The following KANK1 variants were observed in gnomAD, a reference collection of about 807,000 sequenced individuals.
KANK1 encodes the protein KN motif and ankyrin repeat domains 1, also known as KN motif and ankyrin repeat domain-containing protein 1.
KANK1 carries 109 observed loss-of-function variants against 106.2 expected under a neutral mutation model. The observed-to-expected ratio is 1.03, with a 90% confidence interval of 0.88 to 1.20. KANK1 has a LOEUF of 1.20. Ranked by LOEUF, KANK1 falls within the 50% of genes most tolerant of loss-of-function variation. The pLI is 0.00. For missense variants in KANK1, 2,399 were observed against 1,710.7 expected, an observed-to-expected ratio of 1.40 and a Z score of -7.10; for synonymous variants, 873 against 652.2, an observed-to-expected ratio of 1.34 and a Z score of -5.16.
intron 2 of KANK1, among the ~76,000 whole-genome samples, chr9:687,466 T>C (rs973400359): frequency 9.9e-5 from 15 of 152,204 alleles, no homozygotes; most frequent in African/African-American, 3.4e-4. Flanking sequence ...TTCCGTTTCT[T>C]CAGTTCTTGT....
chr9:592,891 G>A lies in KANK1; in HGVS notation c.-83-83999G>A, dbSNP rs535261496. ...CCTTGGGTAGTCCTTTGTGCAAAAC[G>A]TAAATGCAGAAACTGCTCATTGACT... is the stretch of plus-strand genomic sequence containing the variant. On this transcript the variant is annotated intron_variant, in intron 1 of 11. Coordinates refer to ENST00000382297, the MANE Select transcript of KANK1 (RefSeq NM_015158.5). 2.6e-5 allele frequency among the ~76,000 whole-genome samples: 4 copies of A among 151,794 alleles called. No individual in the cohort carries two copies. The South Asian group carries it at 8.3e-4, about 31-fold the overall frequency.
intron 3 of KANK1, among the ~76,000 whole-genome samples, chr9:719,450 A>G (rs536538516): frequency 5.9e-5 from 9 of 152,326 alleles, no homozygotes; most frequent in African/African-American, 1.7e-4. Context: ...CAAGCTGAAA[A>G]TGTGGCACAG....
intron 2 of KANK1, among the ~76,000 whole-genome samples, chr9:698,841 C>G (rs1007172368): frequency 6.6e-6 from 1 of 152,170 alleles, no homozygotes; most frequent in Non-Finnish European, 1.5e-5. Flanking sequence ...ATTTTAATCT[C>G]CAGCATCTAG....
At chr9:493,668 C>G (rs555849659) in intron 3 of KANK1, among the ~76,000 whole-genome samples, 21 of 150,926 alleles carry the variant, frequency 1.4e-4, no homozygotes, top group Non-Finnish European at 2.4e-4. Flanking sequence ...CTGCCTCAGC[C>G]TCCCATGTAG....
At chr9:683,984 A>G (rs1202256054) in intron 2 of KANK1, among the ~76,000 whole-genome samples, 1 of 152,196 alleles carries the variant, frequency 6.6e-6, no homozygotes, top group Non-Finnish European at 1.5e-5. Context: ...AACCCTTAAA[A>G]TGTTGGGACC....
intron 2 of KANK1, chr9:684,488 T>C: frequency 1.0e-6 from 1 of 985,432 alleles, no homozygotes; most frequent in East Asian, 1.1e-4. Context: ...TCTAAGAGAC[T>C]GGGTAGCCAG....
intron 2 of KANK1, among the ~76,000 whole-genome samples, chr9:704,831 A>G (rs10975936): frequency 6.6e-6 from 1 of 151,860 alleles, no homozygotes; most frequent in East Asian, 1.9e-4. Context: ...AAATAATTTT[A>G]AAAAATTAAA....
intron 1 of KANK1, among the ~76,000 whole-genome samples, chr9:512,971 C>T (rs1055153943): frequency 6.6e-5 from 10 of 152,118 alleles, no homozygotes; most frequent in East Asian, 3.9e-4. Flanking sequence ...TTTACCAGGC[C>T]GTAGAGATAT....
rs1019690883 is a variant in KANK1, at chr9:654,909, T to A, written c.-83-21981T>A. On this transcript the variant is annotated intron_variant, in intron 1 of 11. Transcript: ENST00000382297. ...CCAAGTTCAAGTTCCCTAGTGATGG[T>A]GATGCTGCTGATCTCGGAACACGTT... 3.9e-5 allele frequency among the ~76,000 whole-genome samples: 6 copies of A among 152,114 alleles called. No homozygotes were observed. The South Asian group carries it at 1.2e-3, about 32-fold the overall frequency.
chr9:710,561 T>G (rs1300714380), intron 2 of KANK1, among the ~76,000 whole-genome samples: 2 of 137,732 alleles, frequency 1.5e-5, no homozygotes, highest in Non-Finnish European at 3.0e-5. Context: ...GAGGCTGCAG[T>G]GAACCGAGAT....
chr9:711,346 A>G lies in KANK1; in HGVS notation c.580A>G (p.Ser194Gly), dbSNP rs745538525. The G allele has an allele frequency of 8.1e-6, 13 of 1,614,096 alleles. No individual in the cohort carries two copies. Among genetic ancestry groups the G allele is most frequent in the Non-Finnish European group, 1.0e-5 (12 of 1,180,024 alleles). The change falls in exon 3 of 12, where the codon AGC becomes GGC. Residue 194 changes from serine to glycine, a missense_variant. Physicochemically the swap from Ser to Gly is moderately conservative, Grantham distance 56. Coordinates refer to ENST00000382297, the MANE Select transcript of KANK1 (RefSeq NM_015158.5). ...LASFGGMGTT[S>G]SLPSFVGSGN... ...CAGTTTTGGAGGCATGGGCACCACAAGCTCCCTCCCTTCTTTTGTGGGTTC... is the reference window on the plus strand; with the variant it reads ...CAGTTTTGGAGGCATGGGCACCACAGGCTCCCTCCCTTCTTTTGTGGGTTC...
chr9:536,882 TAAGTA>T (rs2060328995), intron 1 of KANK1, among the ~76,000 whole-genome samples: 2 of 152,162 alleles, frequency 1.3e-5, no homozygotes, highest in African/African-American at 2.4e-5. Flanking sequence ...GGCACCCCTT[TAAGTA>T]AAGTGTGTGG....
chr9:656,758 G>C (rs746429804), intron 1 of KANK1, among the ~76,000 whole-genome samples: 1 of 152,134 alleles, frequency 6.6e-6, no homozygotes, highest in African/African-American at 2.4e-5. Flanking sequence ...AATGTTCTGA[G>C]TCTCCTGTAT....
intron 1 of KANK1, among the ~76,000 whole-genome samples, chr9:508,068 C>T (rs1028852657): frequency 1.3e-5 from 2 of 149,764 alleles, no homozygotes; most frequent in Non-Finnish European, 1.5e-5. Flanking sequence ...GTTATCCATC[C>T]GCCTCTGCCT....
rs183829377 is a variant in KANK1, at chr9:571,729, C to T, written c.-84+66975C>T. ...GAAATACAGTTGGACTATAGAGTCTCAGCTGAGAAGCAGACACATGGAGCA... is the reference window on the plus strand; with the variant it reads ...GAAATACAGTTGGACTATAGAGTCTTAGCTGAGAAGCAGACACATGGAGCA... On this transcript the variant is annotated intron_variant, in intron 1 of 11. Transcript: ENST00000382297. Among the ~76,000 whole-genome samples the T allele has an allele frequency of 9.9e-4, 151 of 152,276 alleles. 2 individuals are homozygous for T. Among genetic ancestry groups the T allele is most frequent in the East Asian group, 1.9e-4 (1 of 5,196 alleles).
intron 3 of KANK1, among the ~76,000 whole-genome samples, chr9:718,765 C>T (rs1828454931): frequency 6.6e-6 from 1 of 152,120 alleles, no homozygotes; most frequent in Admixed American, 6.5e-5. Context: ...CATGTATTAG[C>T]ATTCAGGCTG....
At position 744,823 on chromosome 9, in the gene KANK1, C is replaced by G. The variant is rs187366506; in HGVS notation, c.3996+234C>G. 2.5e-5 allele frequency: 35 copies of G among 1,428,182 alleles called. 1 individual carries two copies. In the East Asian group the frequency reaches 6.4e-4, roughly 26 times the overall value. 88.5% of individuals were successfully genotyped at this position (1,428,182 alleles called of 1,614,324 possible). On this transcript the variant is annotated intron_variant, in intron 11 of 11. Transcript: ENST00000382297. ...CTTGCAAGACATATGCTCACAGCTT[C>G]CCATAGAGGTTTTGATTCTGTGCAG...
At chr9:705,492 T>A (rs535869196) in intron 2 of KANK1, among the ~76,000 whole-genome samples, 1 of 152,298 alleles carries the variant, frequency 6.6e-6, no homozygotes, top group Non-Finnish European at 1.5e-5. Flanking sequence ...ATTCAGTTAT[T>A]TATTCCTTCA....
chr9:670,154 G>A (rs777360028), intron 1 of KANK1, among the ~76,000 whole-genome samples: 1 of 152,098 alleles, frequency 6.6e-6, no homozygotes, highest in South Asian at 2.1e-4. Flanking sequence ...AGATCCCTGA[G>A]TTTCTGTGAA....
Sources: allele counts gnomAD v4.1 joint callset (sites outside exome capture counted in the v4.1 genomes callset), GRCh38; gene constraint gnomAD v4.1.1; transcripts MANE v1.5; gene names NCBI Gene and HGNC (gene_info 2026-07-23, HGNC 2026-07-21).